Variants in FCHSD2 observed in about 807,000 individuals in gnomAD.
FCHSD2 encodes FCH and double SH3 domains 2, also known as F-BAR and double SH3 domains protein 2.
FCHSD2 carries 38 observed loss-of-function variants against 108.1 expected under a neutral mutation model. The ratio of observed to expected loss-of-function variants is 0.35; its 90% CI spans 0.27 to 0.46. FCHSD2 has a LOEUF of 0.46. FCHSD2 is among the 20% of genes least tolerant of loss of function. FCHSD2 has a pLI of 1.00. For synonymous variants in FCHSD2, 279 were observed against 314.7 expected (o/e 0.89, Z 1.20); for missense variants, 751 against 897.8 (o/e 0.84, Z 2.09).
rs149345507 is a variant in FCHSD2 at position 72,971,183 on chromosome 11, T to C, written c.705+12905A>G. 2.2e-4 allele frequency among the ~76,000 whole-genome samples: 33 copies of C among 152,130 alleles called. 1 individual carries two copies. The East Asian group carries it at 6.0e-3, about 28-fold the overall frequency. ...TAAGTAACTGGAACAGGTCAAAATATAAAAATCAATCATATGTTTATATAT... is the reference window on the plus strand; with the variant it reads ...TAAGTAACTGGAACAGGTCAAAATACAAAAATCAATCATATGTTTATATAT... On this transcript the variant is annotated intron_variant, in intron 8 of 19. Coordinates refer to ENST00000409418, the MANE Select transcript of FCHSD2 (RefSeq NM_014824.3).
At position 73,129,742 on chromosome 11, in the gene FCHSD2, G is replaced by A. The variant is rs188005617; in HGVS notation, c.119+10289C>T. ...CAAAACCATCCCCCTGACCCCACCCGCAGTCCATGGGAAAACTGTCTTCCA... is the reference window on the plus strand; with the variant it reads ...CAAAACCATCCCCCTGACCCCACCCACAGTCCATGGGAAAACTGTCTTCCA... On this transcript the variant is annotated intron_variant, in intron 2 of 19. Transcript: ENST00000409418. Among the ~76,000 whole-genome samples the A allele has an allele frequency of 1.1e-4, 16 of 152,188 alleles. No homozygotes were observed. The East Asian group carries it at 2.1e-3, about 20-fold the overall frequency.
At chr11:72,965,032 G>A (rs1381401809) in intron 8 of FCHSD2, among the ~76,000 whole-genome samples, 2 of 151,972 alleles carry the variant, frequency 1.3e-5, no homozygotes, top group African/African-American at 2.4e-5. Context: ...CTCATGATCC[G>A]CCCGCCTTGG....
chr11:72,921,399 T>C (rs1855973832), intron 9 of FCHSD2, among the ~76,000 whole-genome samples: 1 of 152,194 alleles, frequency 6.6e-6, no homozygotes. Flanking sequence ...AGGGCTTAAT[T>C]TGAAAAAAAC....
intron 2 of FCHSD2, among the ~76,000 whole-genome samples, chr11:73,119,164 T>C (rs1252518530): frequency 6.6e-6 from 1 of 151,944 alleles, no homozygotes; most frequent in Non-Finnish European, 1.5e-5. Context: ...TAGCCAGGCA[T>C]AGTGGCACAT....
chr11:72,936,116 G>A (rs78106592), intron 8 of FCHSD2, among the ~76,000 whole-genome samples: 10,095 of 152,238 alleles, frequency 0.066, 459 homozygotes, highest in Non-Finnish European at 0.098. Flanking sequence ...GACACTGACC[G>A]TTCTTGAGCT....
intron 12 of FCHSD2, among the ~76,000 whole-genome samples, chr11:72,871,364 A>G (rs1341036543): frequency 6.6e-6 from 1 of 152,228 alleles, no homozygotes; most frequent in African/African-American, 2.4e-5. Flanking sequence ...GTTCAGAGTC[A>G]ATGTGTTTTG....
intron 4 of FCHSD2, among the ~76,000 whole-genome samples, chr11:73,009,009 A>G (rs537686683): frequency 2.0e-5 from 3 of 152,162 alleles, no homozygotes; most frequent in African/African-American, 2.4e-5. Context: ...AAGCATTTAC[A>G]TAGAAAGGAA....
At chr11:72,876,644 C>T (rs1854976457) in intron 12 of FCHSD2, among the ~76,000 whole-genome samples, 2 of 152,196 alleles carry the variant, frequency 1.3e-5, no homozygotes, top group Admixed American at 1.3e-4. Context: ...ATATTCTACT[C>T]ATATGCAGTG....
intron 2 of FCHSD2, among the ~76,000 whole-genome samples, chr11:73,092,455 T>C (rs1315682664): frequency 6.6e-6 from 1 of 152,088 alleles, no homozygotes. Context: ...TCTTCTAACA[T>C]AGCATCTGCT....
At chr11:73,004,576 G>A (rs1857700097) in intron 4 of FCHSD2, among the ~76,000 whole-genome samples, 1 of 151,998 alleles carries the variant, frequency 6.6e-6, no homozygotes, top group Non-Finnish European at 1.5e-5. Flanking sequence ...TAGGTTTCAT[G>A]GTCTATCCTT....
At chr11:72,907,560 T>G (rs1426963659) in intron 9 of FCHSD2, among the ~76,000 whole-genome samples, 1 of 151,724 alleles carries the variant, frequency 6.6e-6, no homozygotes, top group Non-Finnish European at 1.5e-5. Context: ...CTAAATTTTG[T>G]TGAAGGCCTT....
At chr11:72,898,777 T>C (rs575533966) in intron 10 of FCHSD2, among the ~76,000 whole-genome samples, 4 of 151,250 alleles carry the variant, frequency 2.6e-5, no homozygotes, top group South Asian at 4.2e-4. Flanking sequence ...TCACCCAGGA[T>C]GGAATGCAGT....
intron 2 of FCHSD2, among the ~76,000 whole-genome samples, chr11:73,124,456 AT>A (rs1393078371): frequency 7.2e-5 from 11 of 152,254 alleles, no homozygotes; most frequent in Admixed American, 5.9e-4. Flanking sequence ...CAGAAAAAAA[AT>A]ATTTGAAGAA....
At chr11:72,865,695 A>T (rs1389316910) in intron 13 of FCHSD2, among the ~76,000 whole-genome samples, 3 of 150,144 alleles carry the variant, frequency 2.0e-5, no homozygotes, top group Non-Finnish European at 4.4e-5. Context: ...TCTAGCTGAT[A>T]TTGAGCTTTT....
At position 72,841,448 on chromosome 11, in the gene FCHSD2, C is replaced by T. The variant is rs762347999; in HGVS notation, c.2056+6G>A. 7.5e-6 allele frequency: 12 copies of T among 1,610,542 alleles called. No individual in the cohort carries two copies. Among genetic ancestry groups the T allele is most frequent in the Non-Finnish European group, 1.0e-5 (12 of 1,178,500 alleles). ...CATTTAGACCCATGCCCAGGAGAAC[C>T]CTTACCGTTTGCTGAAGGAGACCGG... On this transcript the variant is annotated splice_donor_region_variant and intron_variant, in intron 18 of 19. Transcript: ENST00000409418.
chr11:72,871,433 G>A (rs1854854643), intron 12 of FCHSD2, among the ~76,000 whole-genome samples: 1 of 152,162 alleles, frequency 6.6e-6, no homozygotes, highest in African/African-American at 2.4e-5. Context: ...AGCAAGTAAT[G>A]CATTCAGCTT....
intron 3 of FCHSD2, among the ~76,000 whole-genome samples, chr11:73,068,549 T>C (rs1382551333): frequency 6.6e-6 from 1 of 152,032 alleles, no homozygotes; most frequent in Non-Finnish European, 1.5e-5. Context: ...AAACACAAGG[T>C]GAACTAAAAT....
chr11:73,110,388 GT>G (rs1435826937), intron 2 of FCHSD2, among the ~76,000 whole-genome samples: 1 of 152,044 alleles, frequency 6.6e-6, no homozygotes, highest in Non-Finnish European at 1.5e-5. Flanking sequence ...CTCTGTTCAG[GT>G]TTTGGATTTC....
rs12808517 is a variant in FCHSD2, at chr11:72,890,231, C to T, written c.925-286G>A. ...TTTGGGTGTGATGGACTTATCTTTC[C>T]GAGTGGGAAGGAAGCTAGCTAAGGT... On this transcript the variant is annotated intron_variant, in intron 10 of 19. Transcript: ENST00000409418. Among the ~76,000 whole-genome samples, 22,274 of 152,084 alleles carry T rather than the reference C, an allele frequency of 0.15. 2,140 individuals carry two copies. Among genetic ancestry groups the T allele is most frequent in the Middle Eastern group, 0.23 (68 of 294 alleles).
Sources: gnomAD v4.1 joint callset for allele counts (sites outside exome capture counted in the v4.1 genomes callset) on GRCh38, gnomAD v4.1.1 for gene constraint, MANE v1.5 for transcripts, NCBI Gene and HGNC (gene_info 2026-07-23, HGNC 2026-07-21) for gene names.